Variants in NAV3 observed in about 807,000 individuals in gnomAD.
NAV3 encodes the protein neuron navigator 3, also known as pore membrane and/or filament interacting like protein 1.
In NAV3, 87 loss-of-function variants were observed where a neutral mutation model predicts 244.7. That is an observed-to-expected ratio of 0.36 (90% CI 0.30 to 0.42). The LOEUF is 0.42. NAV3 is among the 20% of genes least tolerant of loss of function. The pLI is 1.00. For synonymous variants in NAV3, 1,126 were observed against 1,042.2 expected (o/e 1.08, Z -1.55); for missense variants, 2,663 against 2,893.3 (o/e 0.92, Z 1.83).
intron 5 of NAV3, among the ~76,000 whole-genome samples, chr12:77,981,607 G>A (rs1362650531): frequency 6.6e-6 from 1 of 151,666 alleles, no homozygotes; most frequent in Non-Finnish European, 1.5e-5. Flanking sequence ...TATATCTTGG[G>A]TACTTTATTC....
intron 5 of NAV3, 86 bp from the exon 6 acceptor site, chr12:77,994,717 A>T: frequency 9.9e-7 from 1 of 1,013,188 alleles, no homozygotes; most frequent in African/African-American, 1.6e-5. Context: ...GCATTTCATT[A>T]ATTCATAGTT....
intron 1 of NAV3, among the ~76,000 whole-genome samples, chr12:77,838,542 G>A (rs561532765): frequency 1.7e-4 from 26 of 152,012 alleles, no homozygotes; most frequent in African/African-American, 2.2e-4. Context: ...CCAATTTGCC[G>A]AACACATTCT....
intron 2 of NAV3, among the ~76,000 whole-genome samples, chr12:77,640,437 C>T (rs1592530551): frequency 6.6e-6 from 1 of 152,148 alleles, no homozygotes; most frequent in South Asian, 2.1e-4. Flanking sequence ...CATCCCTTCC[C>T]CATCCCTGGT....
At chr12:77,638,819 C>A (rs954842403) in intron 2 of NAV3, among the ~76,000 whole-genome samples, 43 of 152,248 alleles carry the variant, frequency 2.8e-4, no homozygotes, top group African/African-American at 1.0e-3. Flanking sequence ...TTTGTTAATT[C>A]TTTACATGAA....
At chr12:77,792,785 C>T (rs1020286840) in intron 2 of NAV3, among the ~76,000 whole-genome samples, 1 of 152,076 alleles carries the variant, frequency 6.6e-6, no homozygotes. Flanking sequence ...TGGGTGTTTC[C>T]CTTAAAATCT....
intron 2 of NAV3, among the ~76,000 whole-genome samples, chr12:77,748,890 A>G (rs908524645): frequency 6.6e-6 from 1 of 152,220 alleles, no homozygotes; most frequent in African/African-American, 2.4e-5. Flanking sequence ...CCACAAAATA[A>G]AAGTAAAATT....
intron 2 of NAV3, among the ~76,000 whole-genome samples, chr12:77,720,554 G>GA (rs1400472852): frequency 3.9e-5 from 6 of 152,108 alleles, no homozygotes; most frequent in Non-Finnish European, 8.8e-5. Flanking sequence ...CTGGCTTCTA[G>GA]AGTATGCCAG....
chr12:77,726,059 C>G (rs1387574082), intron 2 of NAV3, among the ~76,000 whole-genome samples: 1 of 103,568 alleles, frequency 9.7e-6, no homozygotes, highest in East Asian at 4.3e-4. Context: ...TTGAGGTCAA[C>G]CGATTAGCAA....
chr12:77,968,800 T>C (rs1209547590), intron 5 of NAV3, 98 bp downstream of exon 5: 7 of 1,156,168 alleles, frequency 6.1e-6, no homozygotes, highest in Non-Finnish European at 8.6e-6. Context: ...AACGTACTCA[T>C]GTGCTTGTAT....
At chr12:77,695,655 T>C (rs559037472) in intron 2 of NAV3, among the ~76,000 whole-genome samples, 1 of 152,264 alleles carries the variant, frequency 6.6e-6, no homozygotes, top group East Asian at 1.9e-4. Context: ...GGTTCCTAAT[T>C]TATCATGTAC....
chr12:78,161,484 T>C (rs1171250985), intron 23 of NAV3, among the ~76,000 whole-genome samples: 1 of 152,064 alleles, frequency 6.6e-6, no homozygotes, highest in Non-Finnish European at 1.5e-5. Flanking sequence ...AATTTTCTCA[T>C]AGAAACATAC....
At chr12:78,036,800 T>C (rs986922014) in intron 9 of NAV3, 2 of 615,592 alleles carry the variant, frequency 3.2e-6, no homozygotes, top group South Asian at 3.8e-5. Context: ...ATGGATCAGT[T>C]ACAATCACAG....
intron 18 of NAV3, among the ~76,000 whole-genome samples, chr12:78,134,273 G>A (rs1444489450): frequency 1.3e-5 from 2 of 152,058 alleles, no homozygotes; most frequent in Non-Finnish European, 2.9e-5. Context: ...GAATCTCACA[G>A]TCAGAAGAGA....
chr12:77,926,397 A>G (rs530379601), intron 1 of NAV3, among the ~76,000 whole-genome samples: 3 of 152,230 alleles, frequency 2.0e-5, no homozygotes, highest in South Asian at 2.1e-4. Context: ...TTACCTCCCA[A>G]GCTTCTTTTT....
intron 2 of NAV3, among the ~76,000 whole-genome samples, chr12:77,635,553 T>C (rs906279160): frequency 2.6e-5 from 4 of 152,182 alleles, no homozygotes; most frequent in African/African-American, 7.2e-5. Context: ...ATACGGGGGA[T>C]GTTTTCAGAT....
chr12:78,053,386 T>C (rs961525125), intron 11 of NAV3, among the ~76,000 whole-genome samples: 2 of 152,052 alleles, frequency 1.3e-5, no homozygotes, highest in African/African-American at 4.8e-5. Context: ...AGTAGAGATA[T>C]AGGTTTTGGT....
At chr12:77,794,141 A>G (rs1871303407) in intron 2 of NAV3, among the ~76,000 whole-genome samples, 1 of 152,156 alleles carries the variant, frequency 6.6e-6, no homozygotes, top group Admixed American at 6.5e-5. Context: ...ATGTCTGTTC[A>G]TATACTTCAC....
intron 2 of NAV3, among the ~76,000 whole-genome samples, chr12:77,615,766 G>A (rs756823420): frequency 6.6e-6 from 1 of 152,060 alleles, no homozygotes; most frequent in Non-Finnish European, 1.5e-5. Context: ...ACTCTTGTTT[G>A]TGCTGTTAAT....
intron 23 of NAV3, among the ~76,000 whole-genome samples, chr12:78,160,205 G>C (rs887346199): frequency 6.6e-6 from 1 of 152,048 alleles, no homozygotes; most frequent in Non-Finnish European, 1.5e-5. Flanking sequence ...AAAAAGAAAG[G>C]AACGGAGAAT....
Sources: gnomAD v4.1 joint callset for allele counts (sites outside exome capture counted in the v4.1 genomes callset) on GRCh38, gnomAD v4.1.1 for gene constraint, MANE v1.5 for transcripts, NCBI Gene and HGNC (gene_info 2026-07-23, HGNC 2026-07-21) for gene names.